PLCXD3: variants seen among roughly 807,000 people sequenced by gnomAD.
PLCXD3 encodes the protein phosphatidylinositol specific phospholipase C X domain containing 3.
Under a neutral mutation model 25.5 loss-of-function variants are expected in PLCXD3, and 19 were observed. The observed-to-expected ratio is 0.75, with a 90% CI of 0.52 to 1.09. The LOEUF is 1.09. Ranked by LOEUF, PLCXD3 falls within the 50% of genes least tolerant of loss-of-function variation. PLCXD3 has a pLI of 0.00. For missense variants in PLCXD3, 411 were observed against 388.1 expected (o/e 1.06, Z -0.50); for synonymous variants, 174 against 137.6 (o/e 1.26, Z -1.85).
intron 1 of PLCXD3, among the ~76,000 whole-genome samples, chr5:41,386,488 C>A (rs1439842240): frequency 6.6e-6 from 1 of 152,232 alleles, no homozygotes; most frequent in African/African-American, 2.4e-5. Flanking sequence ...CTTCTGGTGA[C>A]AAGACCTATA....
At chr5:41,390,866 C>A (rs76541667) in intron 1 of PLCXD3, among the ~76,000 whole-genome samples, 1 of 152,164 alleles carries the variant, frequency 6.6e-6, no homozygotes, top group Non-Finnish European at 1.5e-5. Flanking sequence ...CCTACCCTGG[C>A]GGCAGTGGCC....
intron 1 of PLCXD3, among the ~76,000 whole-genome samples, chr5:41,399,299 C>T (rs1358016977): frequency 2.0e-5 from 3 of 152,142 alleles, no homozygotes; most frequent in African/African-American, 4.8e-5. Flanking sequence ...AATGTGATCC[C>T]TATCAAAATA....
chr5:41,412,241 T>A (rs1746569739), intron 1 of PLCXD3, among the ~76,000 whole-genome samples: 1 of 152,190 alleles, frequency 6.6e-6, no homozygotes, highest in African/African-American at 2.4e-5. Flanking sequence ...GGTTACAACA[T>A]CAATGTTTTT....
intron 1 of PLCXD3, among the ~76,000 whole-genome samples, chr5:41,454,072 T>G (rs1747697572): frequency 6.6e-6 from 1 of 151,962 alleles, no homozygotes; most frequent in Admixed American, 6.6e-5. Flanking sequence ...CAGAACTCCT[T>G]TGAAAGTTAG....
chr5:41,377,684 C>T (rs998296683), intron 2 of PLCXD3, among the ~76,000 whole-genome samples: 69 of 152,152 alleles, frequency 4.5e-4, no homozygotes, highest in African/African-American at 1.6e-3. Flanking sequence ...TTGGCCAGAT[C>T]GAAAGCTACG....
chr5:41,469,942 G>A (rs984762873), intron 1 of PLCXD3, among the ~76,000 whole-genome samples: 33 of 152,122 alleles, frequency 2.2e-4, no homozygotes, highest in Admixed American at 1.2e-3. Flanking sequence ...CTTGCCTCTC[G>A]TGAGTGAGAT....
intron 1 of PLCXD3, among the ~76,000 whole-genome samples, chr5:41,497,517 T>C (rs1250089613): frequency 6.6e-6 from 1 of 151,508 alleles, no homozygotes; most frequent in Non-Finnish European, 1.5e-5. Context: ...ACACCCAATA[T>C]CAGAACACCC....
At chr5:41,452,827 C>A (rs886791699) in intron 1 of PLCXD3, among the ~76,000 whole-genome samples, 2 of 151,970 alleles carry the variant, frequency 1.3e-5, no homozygotes, top group African/African-American at 4.8e-5. Context: ...ACTCTAGTCT[C>A]AAAAACGGTA....
chr5:41,411,835 T>C (rs1746534400), intron 1 of PLCXD3, among the ~76,000 whole-genome samples: 1 of 148,396 alleles, frequency 6.7e-6, no homozygotes, highest in Non-Finnish European at 1.5e-5. Flanking sequence ...TTGATATCCA[T>C]ATATATATCT....
intron 1 of PLCXD3, among the ~76,000 whole-genome samples, chr5:41,421,660 T>C (rs915740231): frequency 6.6e-6 from 1 of 152,130 alleles, no homozygotes; most frequent in Non-Finnish European, 1.5e-5. Context: ...GAGATTGCGC[T>C]ACTGCAGTCA....
chr5:41,494,661 C>T (rs1748796714), intron 1 of PLCXD3, among the ~76,000 whole-genome samples: 1 of 152,134 alleles, frequency 6.6e-6, no homozygotes, highest in African/African-American at 2.4e-5. Context: ...AATTCAAATG[C>T]ATATGATGGG....
At chr5:41,386,916 A>G (rs187565934) in intron 1 of PLCXD3, among the ~76,000 whole-genome samples, 48 of 151,988 alleles carry the variant, frequency 3.2e-4, no homozygotes, top group African/African-American at 1.1e-3. Flanking sequence ...AGCTGTCCAT[A>G]AGCATCATAA....
intron 1 of PLCXD3, among the ~76,000 whole-genome samples, chr5:41,437,304 G>T (rs894779680): frequency 2.6e-5 from 4 of 152,174 alleles, no homozygotes; most frequent in African/African-American, 9.7e-5. Flanking sequence ...TGAAGCTCTG[G>T]CCACAATGAT....
intron 1 of PLCXD3, among the ~76,000 whole-genome samples, chr5:41,486,272 A>G (rs920588251): frequency 6.7e-6 from 1 of 149,214 alleles, no homozygotes; most frequent in Non-Finnish European, 1.5e-5. Context: ...TATATATTAG[A>G]CTCTGTTTCC....
At chr5:41,475,239 A>G (rs1748254412) in intron 1 of PLCXD3, among the ~76,000 whole-genome samples, 1 of 152,350 alleles carries the variant, frequency 6.6e-6, no homozygotes, top group Non-Finnish European at 1.5e-5. Context: ...GTACCTTTTT[A>G]GAGCACTGAA....
intron 1 of PLCXD3, among the ~76,000 whole-genome samples, chr5:41,493,916 C>T (rs548254320): frequency 3.9e-5 from 6 of 152,228 alleles, no homozygotes; most frequent in Admixed American, 2.0e-4. Flanking sequence ...CGCCCTGCTT[C>T]GGCTCGCGCA....
intron 1 of PLCXD3, among the ~76,000 whole-genome samples, chr5:41,498,300 G>T (rs1748883174): frequency 2.0e-5 from 3 of 151,318 alleles, no homozygotes; most frequent in South Asian, 4.2e-4. Flanking sequence ...GAAAGAAAGA[G>T]AGAACACTCA....
chr5:41,330,875 A>G (rs1324454697), intron 2 of PLCXD3, among the ~76,000 whole-genome samples: 3 of 152,080 alleles, frequency 2.0e-5, no homozygotes, highest in Non-Finnish European at 2.9e-5. Context: ...TGCAGAAAAG[A>G]CCTTTGACAA....
At chr5:41,399,817 A>T (rs1399138679) in intron 1 of PLCXD3, among the ~76,000 whole-genome samples, 4 of 152,162 alleles carry the variant, frequency 2.6e-5, no homozygotes, top group Non-Finnish European at 5.9e-5. Flanking sequence ...CAAGAAGCAC[A>T]AGCAACCAAA....
Sources: allele counts gnomAD v4.1 joint callset (sites outside exome capture counted in the v4.1 genomes callset), GRCh38; gene constraint gnomAD v4.1.1; transcripts MANE v1.5; gene names NCBI Gene and HGNC (gene_info 2026-07-23, HGNC 2026-07-21).